Variants in CST3 observed in about 807,000 individuals in gnomAD.
CST3 encodes the protein cystatin C.
Under a neutral mutation model 9.0 loss-of-function variants are expected in CST3, and 14 were observed. The ratio of observed to expected loss-of-function variants is 1.56; its 90% CI spans 1.03 to 2.44. The LOEUF (loss-of-function observed/expected upper bound fraction) is 2.44. CST3 is among the 30% of genes most tolerant of loss of function. The pLI is 0.00. For synonymous variants in CST3, 96 were observed against 90.2 expected (o/e 1.06, Z -0.37); for missense variants, 237 against 204.3 (o/e 1.16, Z -0.98).
chr20:23,627,269 A>C (rs1479825427), exon 4 of CST3: 2 of 152,162 alleles, frequency 1.3e-5, no homozygotes, highest in African/African-American at 4.8e-5. Flanking sequence ...TATAAATTGA[A>C]TCATATTGTA....
chr20:23,637,792 G>T lies in CST3; in HGVS notation c.71C>A (p.Ala24Glu). The part of the protein sequence containing the change: ...ILAVALAVSP[A>E]AGSSPGKPPR... ...CGGCTTGCCGGGACTGGAGCCGGCC[G>T]CGGGGCTCACGGCCAGGGCCACGGC... is the stretch of plus-strand genomic sequence containing the variant. Residue 24 changes from alanine to glutamate, a missense_variant, in exon 1 of 3, where the codon GCG becomes GAG. Coordinates refer to ENST00000376925, the MANE Select transcript of CST3 (RefSeq NM_000099.4). 3 of 1,523,862 alleles carry T rather than the reference G, an allele frequency of 2.0e-6. No individual in the cohort carries two copies. The highest frequency in any genetic ancestry group is 2.6e-6 in the Non-Finnish European group (3 of 1,136,744). The allele number at this position is 1,523,862 out of a possible 1,614,324, so 94.4% of individuals were successfully genotyped here.
chr20:23,636,353 T>C (rs1979674130), intron 1 of CST3, among the ~76,000 whole-genome samples: 1 of 152,178 alleles, frequency 6.6e-6, no homozygotes, highest in African/African-American at 2.4e-5. Context: ...CTGGTAGCCC[T>C]ACTGAAGCTC....
In CST3 at chr20:23,635,106, T is replaced by C. The variant is rs191182286; in HGVS notation, c.357+148A>G. 3.8e-5 allele frequency: 29 copies of C among 754,506 alleles called. No homozygotes were observed. The Admixed American group carries it at 4.4e-4, about 12-fold the overall frequency. The allele number at this position is 754,506 out of a possible 1,614,324, so 46.7% of individuals were successfully genotyped here. A position where few individuals can be genotyped will look rare whatever the true frequency, so the allele number is the denominator to read the frequency against. On this transcript the variant is annotated intron_variant, in intron 2 of 2. Coordinates refer to ENST00000376925, the MANE Select transcript of CST3 (RefSeq NM_000099.4). The stretch of plus-strand genomic sequence containing the variant: ...ACGTGCACTTCCCCACACAAACCTA[T>C]ACTTGGAAACACATATGCATCTCCA...
chr20:23,633,501 C>T (rs1979527491), downstream of CST3: 7 of 341,100 alleles, frequency 2.1e-5, no homozygotes, highest in South Asian at 2.8e-5. Context: ...ACTCAGGACT[C>T]CTATAGCAGC....
Position 23,636,510 on chromosome 20 carries a change from G to A in CST3, c.243+1110C>T, listed in dbSNP as rs77463284. Among the ~76,000 whole-genome samples the A allele has an allele frequency of 2.2e-4, 33 of 152,292 alleles. No individual in the cohort carries two copies. In the East Asian group the frequency reaches 6.4e-3, roughly 29 times the overall value. ...CTGGGATGTAGGGGGTGGTCAGCCGGCCTGAGGGTGAAGGCCGCTAGTCCT... is the reference window on the plus strand; with the variant it reads ...CTGGGATGTAGGGGGTGGTCAGCCGACCTGAGGGTGAAGGCCGCTAGTCCT... On this transcript the variant is annotated intron_variant, in intron 1 of 2. Transcript: ENST00000376925.
At position 23,633,943 on chromosome 20, in the gene CST3, C is replaced by A; in HGVS notation, c.414G>T (p.Leu138Phe). ...AGGCGTCCTGACAGGTGGATTTCGA[C>A]AAGGTCATTGTGCCCTGCCAAGGCA... is the stretch of plus-strand genomic sequence containing the variant. ...YAVPWQGTMT[L>F]SKSTCQDA Residue 138 changes from leucine to phenylalanine, a missense_variant, in exon 3 of 3, where the codon TTG (leucine) becomes TTT (phenylalanine). Transcript: ENST00000376925. 6.2e-7 allele frequency: 1 copy of A among 1,614,144 alleles called. No homozygotes were observed. Among genetic ancestry groups the A allele is most frequent in the Non-Finnish European group, 8.5e-7 (1 of 1,180,026 alleles).
At chr20:23,634,056 GC>G (rs1979560444) in intron 2 of CST3, 57 bp from the exon 3 acceptor site, 3 of 1,407,506 alleles carry the variant, frequency 2.1e-6, no homozygotes, top group Middle Eastern at 1.8e-4. Context: ...AGCAGAAGAT[GC>G]CCAGGCACGG....
exon 4 of CST3, chr20:23,628,091 T>C (rs371544146): frequency 6.6e-6 from 1 of 152,224 alleles, no homozygotes; most frequent in African/African-American, 2.4e-5. Flanking sequence ...TGGGAGGGGA[T>C]GAATTTAATT....
chr20:23,634,219 G>T (rs965897827), intron 2 of CST3, among the ~76,000 whole-genome samples: 4 of 152,068 alleles, frequency 2.6e-5, no homozygotes, highest in Admixed American at 1.3e-4. Context: ...GGTGGCACTG[G>T]GCCCCCACCC....
intron 2 of CST3, among the ~76,000 whole-genome samples, chr20:23,634,878 T>C (rs1016569446): frequency 1.3e-5 from 2 of 151,998 alleles, no homozygotes; most frequent in African/African-American, 2.4e-5. Flanking sequence ...TACATCTATC[T>C]ACCCACATGC....
At chr20:23,635,698 T>C (rs1380360562) in intron 1 of CST3, among the ~76,000 whole-genome samples, 1 of 152,240 alleles carries the variant, frequency 6.6e-6, no homozygotes, top group African/African-American at 2.4e-5. Flanking sequence ...AAACTTCCAG[T>C]TCCTGGCATT....
At chr20:23,630,210 T>C (rs78113910), downstream of CST3, among the ~76,000 whole-genome samples, 140 of 152,312 alleles carry the variant, frequency 9.2e-4, 4 homozygotes, top group East Asian at 0.015. Flanking sequence ...ACTGGGATCA[T>C]GGGATTGCCA....
chr20:23,635,182 TCACA>T (rs3067508), intron 2 of CST3, 68 bp downstream of exon 2: 12,020 of 1,076,574 alleles, frequency 0.011, 7 homozygotes, highest in South Asian at 0.029. Context: ...AACATGTGCA[TCACA>T]CACACACACA....
At chr20:23,628,467 G>A (rs534723535) in exon 4 of CST3, 1 of 152,284 alleles carries the variant, frequency 6.6e-6, no homozygotes, top group African/African-American at 2.4e-5. Context: ...CAGGGGGCAG[G>A]TCCTCCACTT....
At chr20:23,630,176 C>G (rs1444608546), downstream of CST3, among the ~76,000 whole-genome samples, 1 of 152,190 alleles carries the variant, frequency 6.6e-6, no homozygotes, top group African/African-American at 2.4e-5. Flanking sequence ...CACGTCCCAT[C>G]CCAGAACACG....
intron 1 of CST3, among the ~76,000 whole-genome samples, chr20:23,635,613 C>T (rs919015083): frequency 9.9e-5 from 15 of 152,220 alleles, no homozygotes; most frequent in African/African-American, 2.4e-4. Flanking sequence ...AACTGAATTC[C>T]GCTACCTATG....
At chr20:23,637,309 G>A (rs1378299983) in intron 1 of CST3, among the ~76,000 whole-genome samples, 2 of 152,254 alleles carry the variant, frequency 1.3e-5, no homozygotes, top group African/African-American at 4.8e-5. Context: ...GTCCCAGGAG[G>A]TCGGGACAGA....
chr20:23,633,920 G>A lies in CST3; in HGVS notation c.437C>T (p.Ala146Val), dbSNP rs1411495456. 1 of 1,613,934 alleles carries A rather than the reference G, an allele frequency of 6.2e-7. No homozygotes were observed. The highest frequency in any genetic ancestry group is 1.7e-5 in the Admixed American group (1 of 60,036). Reference sequence around the variant, plus strand: ...AGGCCAGCCCGGTACAGACCCCTAGGCGTCCTGACAGGTGGATTTCGACAA... The same window carrying A: ...AGGCCAGCCCGGTACAGACCCCTAGACGTCCTGACAGGTGGATTTCGACAA... ...MTLSKSTCQDA is the reference protein window; with the variant it reads ...MTLSKSTCQDV The change falls in exon 3 of 3, where the codon GCC becomes GTC. Residue 146 changes from alanine (A) to valine (V), a missense_variant. Physicochemically the swap from Ala to Val is moderately conservative, Grantham distance 64 (BLOSUM62 0). Coordinates refer to ENST00000376925, the MANE Select transcript of CST3 (RefSeq NM_000099.4).
chr20:23,634,028 G>C, intron 2 of CST3, 29 bp from the exon 3 acceptor site: 1 of 1,586,730 alleles, frequency 6.3e-7, no homozygotes, highest in African/African-American at 1.3e-5. Flanking sequence ...GGGACAATCA[G>C]TGTGGGTTAC....
Sources: gnomAD v4.1 joint callset for allele counts (sites outside exome capture counted in the v4.1 genomes callset) on GRCh38, gnomAD v4.1.1 for gene constraint, MANE v1.5 for transcripts, NCBI Gene and HGNC (gene_info 2026-07-23, HGNC 2026-07-21) for gene names.